The following SLC2A9 variants were observed in gnomAD, a reference collection of about 807,000 sequenced individuals.
SLC2A9 encodes the protein solute carrier family 2, facilitated glucose transporter member 9.
A neutral mutation model predicts 50.6 loss-of-function variants in SLC2A9; 39 were observed. The ratio of observed to expected loss-of-function variants is 0.77; its 90% confidence interval spans 0.60 to 1.01. The LOEUF (loss-of-function observed/expected upper bound fraction) is 1.01, where lower values mean the gene tolerates loss of function less well. Among genes scored for constraint, SLC2A9 ranks in the 50% least tolerant of loss-of-function variants. SLC2A9 has a pLI of 0.00. For missense variants in SLC2A9, 686 were observed against 677.6 expected (o/e 1.01, Z -0.14); for synonymous variants, 324 against 276.9 (o/e 1.17, Z -1.69).
At chr4:9,969,052 T>C (rs1753483684) in intron 5 of SLC2A9, among the ~76,000 whole-genome samples, 1 of 152,166 alleles carries the variant, frequency 6.6e-6, no homozygotes, top group Non-Finnish European at 1.5e-5. Flanking sequence ...CTAAATTAAA[T>C]CTTTTTGACA....
chr4:9,779,415 AC>A (rs1718020467), downstream of SLC2A9, among the ~76,000 whole-genome samples: 1 of 148,344 alleles, frequency 6.7e-6, no homozygotes. Flanking sequence ...TAGACTTTAA[AC>A]TTTTTTTTTT....
rs1288825707 is a variant in SLC2A9, at chr4:10,005,001, G to A, written c.250-8060C>T. Among the ~76,000 whole-genome samples the A allele has an allele frequency of 2.0e-5, 3 of 152,154 alleles. No individual in the cohort carries two copies. The East Asian group carries it at 5.8e-4, about 29-fold the overall frequency. On this transcript the variant is annotated intron_variant, in intron 2 of 11. Transcript: ENST00000264784. ...TTTTCATTCAGCCAACAGCCACGAG[G>A]CACATTCTTGTATCTTTCTATCTGA...
chr4:9,783,209 A>G (rs760379596), intron 3 of SLC2A9: 2 of 1,614,188 alleles, frequency 1.2e-6, no homozygotes, highest in East Asian at 2.2e-5. Flanking sequence ...CAATGAGCTC[A>G]TCTCCTACAA....
At chr4:9,899,939 C>T (rs6449100) in intron 8 of SLC2A9, among the ~76,000 whole-genome samples, 61,019 of 152,050 alleles carry the variant, frequency 0.4, 14,244 homozygotes, top group Non-Finnish European at 0.52. Flanking sequence ...GCCGTAGCTT[C>T]TGCAGTTTCT....
At chr4:9,890,547 CGAT>C in intron 9 of SLC2A9, 60 bp downstream of exon 9, 4 of 1,504,000 alleles carry the variant, frequency 2.7e-6, no homozygotes, top group Non-Finnish European at 9.3e-7. Context: ...GGCCCCAAAA[CGAT>C]GAAGCCAGAA....
At chr4:9,884,889 A>T (rs1735901235) in intron 10 of SLC2A9, among the ~76,000 whole-genome samples, 1 of 152,196 alleles carries the variant, frequency 6.6e-6, no homozygotes, top group Admixed American at 6.5e-5. Flanking sequence ...TGGAGCTGGA[A>T]GCCATTATCC....
At chr4:9,795,038 G>A (rs1720429741), downstream of SLC2A9, among the ~76,000 whole-genome samples, 1 of 82,698 alleles carries the variant, frequency 1.2e-5, no homozygotes, top group Non-Finnish European at 2.4e-5. Flanking sequence ...TTAAGACAAA[G>A]TCTCACTCTG....
At chr4:9,843,632 A>G (rs1344248628) in intron 10 of SLC2A9, among the ~76,000 whole-genome samples, 1 of 152,180 alleles carries the variant, frequency 6.6e-6, no homozygotes, top group Non-Finnish European at 1.5e-5. Flanking sequence ...TTCTGGCTCG[A>G]CTTTCCTCCT....
At chr4:9,822,388 T>C (rs1256495641), downstream of SLC2A9, among the ~76,000 whole-genome samples, 1 of 152,162 alleles carries the variant, frequency 6.6e-6, no homozygotes, top group African/African-American at 2.4e-5. Flanking sequence ...AAATTTTATA[T>C]TAATTATTTG....
intron 5 of SLC2A9, among the ~76,000 whole-genome samples, chr4:9,965,717 ATC>A (rs1421352536): frequency 6.6e-6 from 1 of 152,224 alleles, no homozygotes; most frequent in Non-Finnish European, 1.5e-5. Flanking sequence ...TGTTTATGGT[ATC>A]TGTTTTTACA....
intron 5 of SLC2A9, among the ~76,000 whole-genome samples, chr4:9,956,762 A>AT (rs1390595678): frequency 1.1e-4 from 12 of 112,922 alleles, no homozygotes; most frequent in African/African-American, 4.0e-4. Flanking sequence ...GGTACCGAAA[A>AT]ATTTTTTTAA....
chr4:10,022,095 T>C (rs1763549963), upstream of SLC2A9, among the ~76,000 whole-genome samples: 1 of 152,166 alleles, frequency 6.6e-6, no homozygotes. Context: ...CACCTCAGCC[T>C]CCCAAAGTGC....
intron 1 of SLC2A9, among the ~76,000 whole-genome samples, chr4:10,033,254 G>A (rs116484291): frequency 0.013 from 1,925 of 152,196 alleles, 34 homozygotes; most frequent in African/African-American, 0.044. Flanking sequence ...TTAGAGCTTC[G>A]GTATGTCACC....
intron 10 of SLC2A9, among the ~76,000 whole-genome samples, chr4:9,858,582 T>C (rs894858943): frequency 2.0e-5 from 3 of 152,158 alleles, no homozygotes; most frequent in Admixed American, 2.0e-4. Flanking sequence ...GGGGATGGTA[T>C]TAATAGTCAC....
chr4:9,964,255 A>C (rs1414091319), intron 5 of SLC2A9, among the ~76,000 whole-genome samples: 1 of 142,588 alleles, frequency 7.0e-6, no homozygotes, highest in Non-Finnish European at 1.5e-5. Flanking sequence ...CAGGGATGAG[A>C]ATTTGCATTT....
At chr4:9,843,752 T>C (rs939715860) in intron 10 of SLC2A9, among the ~76,000 whole-genome samples, 9 of 152,154 alleles carry the variant, frequency 5.9e-5, no homozygotes, top group Non-Finnish European at 1.3e-4. Flanking sequence ...GAACACTCAA[T>C]AGCTTTTAAT....
rs570462211 is a variant in SLC2A9 at position 10,019,219 on chromosome 4, G to A, written c.151-146C>T. ...TGGGGTAGAGACAGAGAGAAGAGAC[G>A]CAAGTTGGGGACCTGCAAGTAGGGT... is the stretch of plus-strand genomic sequence containing the variant. On this transcript the variant is annotated intron_variant, in intron 1 of 11. Transcript: ENST00000264784. The A allele has an allele frequency of 4.8e-5, 33 of 688,098 alleles. No homozygotes were observed. In the East Asian group the frequency reaches 9.0e-4, roughly 19 times the overall value. 42.6% of individuals were successfully genotyped at this position (688,098 alleles called of 1,614,324 possible). A position where few individuals can be genotyped will look rare whatever the true frequency, so the allele number is the denominator to read the frequency against.
intron 10 of SLC2A9, among the ~76,000 whole-genome samples, chr4:9,849,287 C>T (rs1044358534): frequency 5.9e-5 from 9 of 152,136 alleles, no homozygotes; most frequent in African/African-American, 9.7e-5. Context: ...GGTGTGGAGG[C>T]AGACTGGGAC....
intron 6 of SLC2A9, among the ~76,000 whole-genome samples, chr4:9,935,461 C>T (rs10010582): frequency 0.29 from 43,379 of 152,116 alleles, 6,936 homozygotes; most frequent in African/African-American, 0.41. Context: ...CTAGTCCCTG[C>T]CCCTATGTGC....
Sources: allele counts gnomAD v4.1 joint callset (sites outside exome capture counted in the v4.1 genomes callset), GRCh38; gene constraint gnomAD v4.1.1; transcripts MANE v1.5; gene names NCBI Gene and HGNC (gene_info 2026-07-23, HGNC 2026-07-21).